Variants in KCNN2 observed in about 807,000 individuals in gnomAD.
The protein encoded by KCNN2 is potassium calcium-activated channel subfamily N member 2, also known as small conductance calcium-activated potassium channel protein 2.
Under a neutral mutation model 55.5 loss-of-function variants are expected in KCNN2, and 24 were observed. That is an observed-to-expected ratio of 0.43 (90% CI 0.31 to 0.61). The LOEUF (loss-of-function observed/expected upper bound fraction) is 0.61. Among genes scored for constraint, KCNN2 ranks in the 20% least tolerant of loss-of-function variants. KCNN2 has a pLI of 0.08. For synonymous variants in KCNN2, 431 were observed against 336.1 expected (o/e 1.28, Z -3.09); for missense variants, 754 against 853.6 (o/e 0.88, Z 1.45).
chr5:114,282,048 T>C (rs1006416080), intron 2 of KCNN2, among the ~76,000 whole-genome samples: 2 of 152,154 alleles, frequency 1.3e-5, no homozygotes, highest in Non-Finnish European at 2.9e-5. Context: ...TTCTCATGAC[T>C]AATATTTATG....
At chr5:114,324,725 C>G (rs1017249613) in intron 2 of KCNN2, among the ~76,000 whole-genome samples, 3 of 152,310 alleles carry the variant, frequency 2.0e-5, no homozygotes, top group Admixed American at 1.3e-4. Context: ...AAGTAGGATG[C>G]TGCTATAACA....
At chr5:114,393,086 A>G (rs1256049994) in intron 2 of KCNN2, among the ~76,000 whole-genome samples, 1 of 152,052 alleles carries the variant, frequency 6.6e-6, no homozygotes, top group African/African-American at 2.4e-5. Flanking sequence ...TGTAGTACTT[A>G]TCACAAGGAA....
intron 1 of KCNN2, among the ~76,000 whole-genome samples, chr5:114,140,219 G>T (rs917637605): frequency 5.9e-5 from 9 of 152,148 alleles, no homozygotes; most frequent in African/African-American, 2.2e-4. Flanking sequence ...TTTTAAAATT[G>T]TGAAGAGATC....
At chr5:114,419,344 C>T (rs187931402) in intron 3 of KCNN2, among the ~76,000 whole-genome samples, 1 of 152,318 alleles carries the variant, frequency 6.6e-6, no homozygotes, top group East Asian at 1.9e-4. Flanking sequence ...TATTTATTAC[C>T]TAGCCTTATG....
chr5:114,380,933 T>G (rs1173359573), intron 2 of KCNN2, among the ~76,000 whole-genome samples: 1 of 152,204 alleles, frequency 6.6e-6, no homozygotes, highest in Non-Finnish European at 1.5e-5. Flanking sequence ...TTCTCAGGGC[T>G]GAGCAGCCTC....
At chr5:114,227,994 CGATGAT>C (rs67331767) in intron 2 of KCNN2, among the ~76,000 whole-genome samples, 138 of 151,550 alleles carry the variant, frequency 9.1e-4, no homozygotes, top group Admixed American at 2.0e-3. Context: ...ATGATGATGA[CGATGAT>C]GATGATGATG....
intron 3 of KCNN2, among the ~76,000 whole-genome samples, chr5:114,451,949 T>G (rs1042048820): frequency 2.0e-5 from 3 of 151,982 alleles, no homozygotes; most frequent in African/African-American, 7.3e-5. Flanking sequence ...AAAGCTGGGC[T>G]TTAGATGTAG....
At chr5:114,272,609 G>A (rs1755378314) in intron 2 of KCNN2, among the ~76,000 whole-genome samples, 1 of 151,972 alleles carries the variant, frequency 6.6e-6, no homozygotes, top group South Asian at 2.1e-4. Flanking sequence ...AAATTCTAGA[G>A]ACCTTTTGTT....
rs765158570 is a variant in KCNN2 at position 114,493,375 on chromosome 5, C to G, written c.2019-28C>G. 5 of 1,421,684 alleles carry G rather than the reference C, an allele frequency of 3.5e-6. No homozygotes were observed. In the Admixed American group the frequency reaches 6.7e-5, roughly 19 times the overall value. 88.1% of individuals were successfully genotyped at this position (1,421,684 alleles called of 1,614,324 possible). A position where few individuals can be genotyped will look rare whatever the true frequency, so the allele number is the denominator to read the frequency against. On this transcript the variant is annotated intron_variant, in intron 6 of 7. Transcript: ENST00000673685. ...AAGATTGCCATAGGAAGAAGGGAAC[C>G]TTTCTGATACCAGATTCTATCTTTT...
intron 2 of KCNN2, among the ~76,000 whole-genome samples, chr5:114,252,678 C>T (rs900310748): frequency 1.3e-5 from 2 of 152,070 alleles, no homozygotes; most frequent in Non-Finnish European, 2.9e-5. Context: ...CCCCACCCCC[C>T]AACCTCTGCC....
intron 2 of KCNN2, among the ~76,000 whole-genome samples, chr5:114,382,825 T>C (rs762560843): frequency 4.6e-5 from 7 of 152,244 alleles, no homozygotes; most frequent in Non-Finnish European, 7.3e-5. Flanking sequence ...GATTAGCAGC[T>C]TGCTTCAGTT....
At chr5:114,271,478 T>G (rs1481296591) in intron 2 of KCNN2, among the ~76,000 whole-genome samples, 1 of 152,040 alleles carries the variant, frequency 6.6e-6, no homozygotes, top group Non-Finnish European at 1.5e-5. Context: ...TGTAAAAACT[T>G]GAAAAACACA....
intron 1 of KCNN2, among the ~76,000 whole-genome samples, chr5:114,172,419 T>G (rs1753057106): frequency 6.6e-6 from 1 of 151,622 alleles, no homozygotes; most frequent in African/African-American, 2.4e-5. Context: ...ACTTACCAAC[T>G]TACGTATTTT....
chr5:114,193,033 C>T (rs764846336), intron 1 of KCNN2, among the ~76,000 whole-genome samples: 1 of 152,110 alleles, frequency 6.6e-6, no homozygotes, highest in African/African-American at 2.4e-5. Context: ...ACAAATTTAG[C>T]AAATAAAAAT....
intron 1 of KCNN2, among the ~76,000 whole-genome samples, chr5:114,061,721 T>A (rs1003344553): frequency 6.6e-6 from 1 of 152,118 alleles, no homozygotes; most frequent in Admixed American, 6.5e-5. Flanking sequence ...ACCATTCTGA[T>A]CTCTGGGACT....
At chr5:114,392,233 C>G (rs1758469786) in intron 2 of KCNN2, among the ~76,000 whole-genome samples, 1 of 152,086 alleles carries the variant, frequency 6.6e-6, no homozygotes, top group Non-Finnish European at 1.5e-5. Flanking sequence ...TCTGAAACAG[C>G]AAATAACATT....
intron 5 of KCNN2, among the ~76,000 whole-genome samples, chr5:114,485,264 G>C (rs183987277): frequency 6.8e-4 from 103 of 152,090 alleles, no homozygotes; most frequent in African/African-American, 2.1e-3. Flanking sequence ...CTATGCCTTC[G>C]ACTGGTAAAA....
In KCNN2 at chr5:114,305,354, G is replaced by C. The variant is rs571242489; in HGVS notation, c.-184-55591G>C. Among the ~76,000 whole-genome samples, 16 of 152,340 alleles carry C rather than the reference G, an allele frequency of 1.1e-4. No homozygotes were observed. The South Asian group carries it at 3.1e-3, about 30-fold the overall frequency. On this transcript the variant is annotated intron_variant, in intron 2 of 10. Coordinates refer to the KCNN2 transcript ENST00000512097. Reference sequence around the variant, plus strand: ...GAATGCAGGCAGGCCAAGGCAGGCTGGTGGGTGGGCTCACATAGAGTGTTA... The same window carrying C: ...GAATGCAGGCAGGCCAAGGCAGGCTCGTGGGTGGGCTCACATAGAGTGTTA...
chr5:114,325,121 G>C (rs1756690696), intron 2 of KCNN2, among the ~76,000 whole-genome samples: 1 of 151,074 alleles, frequency 6.6e-6, no homozygotes, highest in South Asian at 2.1e-4. Context: ...TTTAAATGAC[G>C]AGGAGATTTC....
Sources: gnomAD v4.1 joint callset for allele counts (sites outside exome capture counted in the v4.1 genomes callset) on GRCh38, gnomAD v4.1.1 for gene constraint, MANE v1.5 for transcripts, NCBI Gene and HGNC (gene_info 2026-07-23, HGNC 2026-07-21) for gene names.